The following GART variants were observed in gnomAD, a reference collection of about 807,000 sequenced individuals.
GART encodes phosphoribosylglycinamide formyltransferase, phosphoribosylglycinamide synthetase, phosphoribosylaminoimidazole synthetase, also known as trifunctional purine biosynthetic protein adenosine-3.
A neutral mutation model predicts 107.2 loss-of-function variants in GART; 43 were observed. The observed-to-expected ratio is 0.40, with a 90% CI of 0.31 to 0.52. The LOEUF is 0.52. Ranked by LOEUF, GART falls within the 20% of genes least tolerant of loss-of-function variation. The pLI, the probability that GART is intolerant of heterozygous loss-of-function variation, is 0.52. For missense variants in GART, 1,107 were observed against 1,206.5 expected, an observed-to-expected ratio of 0.92 and a Z score of 1.22; for synonymous variants, 434 against 427.0, an observed-to-expected ratio of 1.02 and a Z score of -0.20.
chr21:33,504,076 C>T lies in GART; in HGVS notation c.*48G>A, dbSNP rs2084637036. 6.6e-7 allele frequency: 1 copy of T among 1,515,502 alleles called. No individual in the cohort carries two copies. The highest frequency in any genetic ancestry group is 8.9e-7 in the Non-Finnish European group (1 of 1,125,626). 93.9% of individuals were successfully genotyped at this position (1,515,502 alleles called of 1,614,324 possible). ...CCATGATAAAAAACCACCATGCAAA[C>T]AGCAAATAATTCTTTCTAAACTGGC... On this transcript the variant is annotated 3_prime_UTR_variant, in exon 22 of 22. Transcript: ENST00000381815.
chr21:33,536,462 G>C (rs1274153324), intron 2 of GART, among the ~76,000 whole-genome samples: 1 of 152,170 alleles, frequency 6.6e-6, no homozygotes, highest in Non-Finnish European at 1.5e-5. Context: ...AGTGATATTT[G>C]TGATGTACAG....
intron 3 of GART, 111 bp from the exon 4 acceptor site, chr21:33,534,864 G>A (rs1474250339): frequency 1.1e-6 from 1 of 892,068 alleles, no homozygotes; most frequent in Non-Finnish European, 1.6e-6. Context: ...GCAGATGACT[G>A]GTGGCAGAGG....
intron 7 of GART, among the ~76,000 whole-genome samples, chr21:33,530,348 T>C (rs2085160996): frequency 6.6e-6 from 1 of 152,298 alleles, no homozygotes; most frequent in East Asian, 1.9e-4. Context: ...TCTCAATTCA[T>C]ATCACACGCA....
At chr21:33,541,799 T>C (rs1444964786) in intron 1 of GART, among the ~76,000 whole-genome samples, 4 of 152,094 alleles carry the variant, frequency 2.6e-5, no homozygotes, top group African/African-American at 9.7e-5. Flanking sequence ...AAAGAGAAAG[T>C]ACACCAATTT....
chr21:33,508,831 T>C (rs889348854), intron 18 of GART, among the ~76,000 whole-genome samples: 1 of 152,146 alleles, frequency 6.6e-6, no homozygotes, highest in African/African-American at 2.4e-5. Context: ...TTTCCATCTT[T>C]ATGTCCACAT....
At chr21:33,527,574 G>A (rs2085098029) in intron 10 of GART, among the ~76,000 whole-genome samples, 1 of 152,036 alleles carries the variant, frequency 6.6e-6, no homozygotes, top group African/African-American at 2.4e-5. Context: ...CCAAACTATA[G>A]GCTGCTAGGG....
At chr21:33,538,810 T>C (rs991894478) in intron 2 of GART, among the ~76,000 whole-genome samples, 1 of 152,208 alleles carries the variant, frequency 6.6e-6, no homozygotes, top group Non-Finnish European at 1.5e-5. Flanking sequence ...AGATGGAGTC[T>C]CATTCTGTCG....
intron 3 of GART, among the ~76,000 whole-genome samples, chr21:33,535,023 C>A (rs746357905): frequency 3.3e-5 from 5 of 152,102 alleles, no homozygotes; most frequent in Non-Finnish European, 5.9e-5. Context: ...AAATGTTTTC[C>A]ATGGCTGCAA....
At chr21:33,531,214 T>C (rs1422633941) in intron 6 of GART, 1 of 428,884 alleles carries the variant, frequency 2.3e-6, no homozygotes. Flanking sequence ...CAATAAACTG[T>C]ATATGAAAGA....
In GART at chr21:33,539,203, C is replaced by A; in HGVS notation, c.113G>T (p.Gly38Val). The A allele has an allele frequency of 6.2e-7, 1 of 1,614,070 alleles. No individual in the cohort carries two copies. Among genetic ancestry groups the A allele is most frequent in the Non-Finnish European group, 8.5e-7 (1 of 1,179,966 alleles). ...KQVLVAPGNA[G>V]TACSEKISNT... ...TGAAATCTTTTCAGAGCAGGCAGTG[C>A]CTGCGTTTCCTGGGGCAACCAACAC... Residue 38 changes from glycine to valine, a missense_variant, in exon 2 of 22, where the codon GGC becomes GTC. Coordinates refer to ENST00000381815, the MANE Select transcript of GART (RefSeq NM_000819.5).
At position 33,520,361 on chromosome 21, in the gene GART, T is replaced by C; in HGVS notation, c.1702+3A>G. The C allele has an allele frequency of 1.9e-6, 3 of 1,613,794 alleles. No homozygotes were observed. The highest frequency in any genetic ancestry group is 2.5e-6 in the Non-Finnish European group (3 of 1,179,686). On this transcript the variant is annotated splice_donor_region_variant and intron_variant, in intron 14 of 21. Coordinates refer to ENST00000381815, the MANE Select transcript of GART (RefSeq NM_000819.5). ...TGTTATTGATTAAAATGGCTGATCA[T>C]ACCAAGGAGAGCACATCCAGCTTTT...
intron 10 of GART, among the ~76,000 whole-genome samples, chr21:33,525,214 G>A (rs1246945103): frequency 1.3e-5 from 2 of 151,024 alleles, no homozygotes; most frequent in Non-Finnish European, 2.9e-5. Flanking sequence ...GCAAGACCTC[G>A]CCTCTACATA....
At chr21:33,527,864 A>G (rs1244837292) in intron 10 of GART, among the ~76,000 whole-genome samples, 1 of 152,074 alleles carries the variant, frequency 6.6e-6, no homozygotes, top group Non-Finnish European at 1.5e-5. Flanking sequence ...CTCTCAGAGA[A>G]TCTCATTATT....
At chr21:33,514,229 C>T (rs1014373219) in intron 16 of GART, among the ~76,000 whole-genome samples, 4 of 152,134 alleles carry the variant, frequency 2.6e-5, no homozygotes, top group South Asian at 2.1e-4. Flanking sequence ...GATCGCACCA[C>T]GGAACTCCAG....
chr21:33,536,987 A>G (rs1174616949), intron 2 of GART, among the ~76,000 whole-genome samples: 2 of 152,214 alleles, frequency 1.3e-5, no homozygotes, highest in African/African-American at 2.4e-5. Context: ...CAAGTCCAGA[A>G]AAGGTAGGGT....
At chr21:33,536,013 C>G (rs1020815621) in intron 2 of GART, among the ~76,000 whole-genome samples, 1 of 150,546 alleles carries the variant, frequency 6.6e-6, no homozygotes, top group Non-Finnish European at 1.5e-5. Context: ...GGGTAGATAA[C>G]AAGAACGAAA....
chr21:33,516,830 AG>A (rs1037973994), intron 16 of GART, among the ~76,000 whole-genome samples, 158 bp downstream of exon 16: 2 of 152,210 alleles, frequency 1.3e-5, no homozygotes, highest in Non-Finnish European at 2.9e-5. Context: ...TGAAGCAAAA[AG>A]AGATAGAAAA....
chr21:33,542,815 A>G (rs181914436), upstream of GART: 3,216 of 528,540 alleles, frequency 6.1e-3, 121 homozygotes, highest in Admixed American at 0.073. Flanking sequence ...CTCAAGAGAG[A>G]CGGCTCCTGT....
rs1225256488 is a variant in GART at position 33,532,375 on chromosome 21, CTCT to C, written c.495_497del (p.Glu166del). ...TGATCTCTTGTACAGCTTTGCAGGC[CTCT>C]TCTTTGCTCTTTGCAACAATCACCC... is the stretch of plus-strand genomic sequence containing the variant. On this transcript the variant is annotated inframe_deletion, in exon 5 of 22. Transcript: ENST00000381815. 8.1e-6 allele frequency: 13 copies of C among 1,614,076 alleles called. No individual in the cohort carries two copies. Among genetic ancestry groups the C allele is most frequent in the African/African-American group, 1.3e-5 (1 of 75,054 alleles).
Sources: gnomAD v4.1 joint callset for allele counts (sites outside exome capture counted in the v4.1 genomes callset) on GRCh38, gnomAD v4.1.1 for gene constraint, MANE v1.5 for transcripts, NCBI Gene and HGNC (gene_info 2026-07-23, HGNC 2026-07-21) for gene names.